HELLS: variants seen among roughly 807,000 people sequenced by gnomAD.
HELLS encodes the protein helicase, lymphoid specific.
Under a neutral mutation model 120.0 loss-of-function variants are expected in HELLS, and 32 were observed. The ratio of observed to expected loss-of-function variants is 0.27; its 90% CI spans 0.20 to 0.36. The LOEUF is 0.36. HELLS is among the 10% of genes least tolerant of loss of function. The pLI is 1.00. For synonymous variants in HELLS, 341 were observed against 323.4 expected, an observed-to-expected ratio of 1.05 and a Z score of -0.58; for missense variants, 650 against 993.4, an observed-to-expected ratio of 0.65 and a Z score of 4.65.
At chr10:94,566,651 T>G (rs1843812669) in intron 6 of HELLS, among the ~76,000 whole-genome samples, 1 of 151,902 alleles carries the variant, frequency 6.6e-6, no homozygotes, top group African/African-American at 2.4e-5. Context: ...TTCTTTTTCT[T>G]TTCTTTTTTT....
At chr10:94,556,416 T>A (rs1266716974) in intron 3 of HELLS, among the ~76,000 whole-genome samples, 3 of 152,198 alleles carry the variant, frequency 2.0e-5, no homozygotes, top group Admixed American at 1.3e-4. Context: ...ATTTTTTTTA[T>A]TCCTGAGAAG....
At chr10:94,585,122 C>T (rs765232520) in intron 12 of HELLS, among the ~76,000 whole-genome samples, 32 of 151,522 alleles carry the variant, frequency 2.1e-4, no homozygotes, top group Admixed American at 2.0e-4. Flanking sequence ...TTTTACTTTC[C>T]GTTTAAAGTT....
intron 12 of HELLS, among the ~76,000 whole-genome samples, chr10:94,587,350 A>T (rs1026469062): frequency 2.0e-5 from 3 of 152,180 alleles, no homozygotes; most frequent in Non-Finnish European, 4.4e-5. Flanking sequence ...CATAATAATC[A>T]TATCATGGAG....
At chr10:94,593,474 G>A (rs778569901) in intron 17 of HELLS, 25 bp from the exon 18 acceptor site, 2 of 1,342,140 alleles carry the variant, frequency 1.5e-6, no homozygotes, top group East Asian at 4.6e-5. Flanking sequence ...TTAATCTGTT[G>A]TATTTACATC....
chr10:94,612,869 A>G (rs1846208110), exon 10 of HELLS: 1 of 152,232 alleles, frequency 6.6e-6, no homozygotes, highest in Non-Finnish European at 1.5e-5. Flanking sequence ...GGTTGCAGTG[A>G]GCCAAGATTG....
chr10:94,597,783 C>G (rs372386336), intron 21 of HELLS, among the ~76,000 whole-genome samples: 1 of 152,130 alleles, frequency 6.6e-6, no homozygotes, highest in Non-Finnish European at 1.5e-5. Flanking sequence ...TGTGCCCACC[C>G]CAGCCTCCCA....
rs539141031 is a variant in HELLS at position 94,582,808 on chromosome 10, T to C, written c.1230-155T>C. Among the ~76,000 whole-genome samples the C allele has an allele frequency of 3.9e-5, 6 of 152,298 alleles. No individual in the cohort carries two copies. The South Asian group carries it at 1.2e-3, about 32-fold the overall frequency. ...ATTTATCTTTGTTGTTGGAATGTGT[T>C]CTCTTCCATTATAAATTTTAAAAAT... On this transcript the variant is annotated intron_variant, in intron 11 of 21. Coordinates refer to ENST00000348459, the MANE Select transcript of HELLS (RefSeq NM_018063.5).
At chr10:94,613,118 T>C (rs182486505) in exon 10 of HELLS, 54 of 152,328 alleles carry the variant, frequency 3.5e-4, no homozygotes, top group African/African-American at 1.3e-3. Context: ...ATGCAAGAAT[T>C]TCTCTGGTAA....
downstream of HELLS, among the ~76,000 whole-genome samples, chr10:94,606,508 AT>A (rs201616842): frequency 6.1e-3 from 918 of 151,054 alleles, 9 homozygotes; most frequent in African/African-American, 0.021. Flanking sequence ...TGCCCAGATA[AT>A]TTAAAAAAAA....
In HELLS at chr10:94,562,857, C is replaced by T; in HGVS notation, c.416C>T (p.Ser139Leu). ...RGREDESYNI[S>L]EVMSKEEILS... is the part of the protein sequence containing the mutation. Reference sequence around the variant, plus strand: ...AGAGAAGATGAATCATACAATATTTCAGAGGTCATGTCAAAAGAGGTAAAA... The same window carrying T: ...AGAGAAGATGAATCATACAATATTTTAGAGGTCATGTCAAAAGAGGTAAAA... The change falls in exon 6 of 22, where the codon TCA becomes TTA. Residue 139 changes from serine to leucine, a missense_variant. Physicochemically the swap from Ser to Leu is moderately radical, Grantham distance 145. Around this residue, in one of 9 missense-constraint regions of HELLS, gnomAD observed 113 missense variants for 120.7 expected, o/e 0.94. Coordinates refer to ENST00000348459, the MANE Select transcript of HELLS (RefSeq NM_018063.5). 2 of 1,575,432 alleles carry T rather than the reference C, an allele frequency of 1.3e-6. No individual in the cohort carries two copies. The highest frequency in any genetic ancestry group is 2.3e-5 in the South Asian group (2 of 86,702).
Position 94,574,633 on chromosome 10 carries a change from T to C in HELLS, c.785T>C (p.Ile262Thr), listed in dbSNP as rs776307280. ...LGKTVQCIAT[I>T]ALMIQRGVPG... The stretch of plus-strand genomic sequence containing the variant: ...AAGACAGTTCAGTGCATTGCTACTA[T>C]TGCATTGATGATTCAGAGAGGAGTA... Residue 262 changes from isoleucine to threonine, a missense_variant, in exon 9 of 22, where the codon ATT becomes ACT. Ile to Thr is a moderately conservative substitution (Grantham distance 89). This residue lies in a region of HELLS where 26 missense variants were observed against 87.3 expected (regional missense o/e 0.30). Coordinates refer to ENST00000348459, the MANE Select transcript of HELLS (RefSeq NM_018063.5). 1.9e-6 allele frequency: 3 copies of C among 1,611,568 alleles called. No homozygotes were observed. In the African/African-American group the frequency reaches 4.0e-5, roughly 22 times the overall value.
intron 10 of HELLS, chr10:94,577,062 A>G (rs1321638228): frequency 3.5e-6 from 2 of 567,490 alleles, no homozygotes; most frequent in Admixed American, 2.5e-5. Context: ...AAATAGACCT[A>G]ATCTCGGAAT....
chr10:94,566,191 A>C (rs1444293110), intron 6 of HELLS, among the ~76,000 whole-genome samples: 1 of 152,054 alleles, frequency 6.6e-6, no homozygotes, highest in Non-Finnish European at 1.5e-5. Context: ...TGGGAATTGG[A>C]TGTTTATACA....
intron 3 of HELLS, 103 bp from the exon 4 acceptor site, chr10:94,558,036 C>T (rs991247788): frequency 2.9e-6 from 4 of 1,396,902 alleles, no homozygotes; most frequent in East Asian, 2.6e-5. Flanking sequence ...TATGATAGAC[C>T]TTAGTTTCTC....
chr10:94,590,158 T>A (rs987372408), intron 13 of HELLS, among the ~76,000 whole-genome samples: 2 of 152,226 alleles, frequency 1.3e-5, no homozygotes, highest in African/African-American at 4.8e-5. Flanking sequence ...TATTTCAACT[T>A]TAAGGTATTA....
At position 94,578,862 on chromosome 10, in the gene HELLS, GT is replaced by G. The variant is rs755185223; in HGVS notation, c.1032+2059del. On this transcript the variant is annotated intron_variant, in intron 10 of 21. Transcript: ENST00000348459. The stretch of plus-strand genomic sequence containing the variant: ...CCTTGGATGTGCAGTTCACAATAGT[GT>G]TCATGCTCCTATGAGAATATAATGT... Among the ~76,000 whole-genome samples, 356 of 152,246 alleles carry G rather than the reference GT, an allele frequency of 2.3e-3. 1 individual carries two copies. The highest frequency in any genetic ancestry group is 4.3e-3 in the Non-Finnish European group (294 of 68,022).
chr10:94,579,107 C>T (rs529277377), intron 10 of HELLS, among the ~76,000 whole-genome samples: 1 of 151,816 alleles, frequency 6.6e-6, no homozygotes, highest in African/African-American at 2.4e-5. Context: ...CATTTCTTTA[C>T]AGTAAAAGTA....
chr10:94,612,063 T>C (rs1309600800), exon 10 of HELLS: 2 of 152,094 alleles, frequency 1.3e-5, no homozygotes, highest in Non-Finnish European at 2.9e-5. Flanking sequence ...ATAGCCAGAG[T>C]CTAGTCTAAG....
chr10:94,597,608 C>T (rs1393959828), intron 21 of HELLS, among the ~76,000 whole-genome samples: 1 of 152,182 alleles, frequency 6.6e-6, no homozygotes, highest in Non-Finnish European at 1.5e-5. Flanking sequence ...TCTCAGCTCA[C>T]TGCAACCTCA....
Sources: allele counts gnomAD v4.1 joint callset (sites outside exome capture counted in the v4.1 genomes callset), GRCh38; gene constraint gnomAD v4.1.1; regional missense constraint gnomAD v4.1.1; transcripts MANE v1.5; gene names NCBI Gene and HGNC (gene_info 2026-07-23, HGNC 2026-07-21).